ZNF77: variants seen among roughly 807,000 people sequenced by gnomAD.
The protein encoded by ZNF77 is zinc finger protein 77, also known as ZNFpT1.
A neutral mutation model predicts 13.5 loss-of-function variants in ZNF77; 15 were observed. That is an observed-to-expected ratio of 1.11 (90% CI 0.74 to 1.71). The LOEUF (loss-of-function observed/expected upper bound fraction) is 1.71. Ranked by LOEUF, ZNF77 falls within the 40% of genes most tolerant of loss-of-function variation. The pLI, the probability that ZNF77 is intolerant of heterozygous loss-of-function variation, is 0.00. For missense variants in ZNF77, 717 were observed against 676.4 expected (o/e 1.06, Z -0.67); for synonymous variants, 282 against 250.0 (o/e 1.13, Z -1.21).
rs769651289 is a variant in ZNF77 at position 2,933,772 on chromosome 19, C to G, written c.1355G>C (p.Arg452Pro). Residue 452 changes from arginine to proline, a missense_variant, in exon 4 of 4, where the codon CGA becomes CCA. Arg to Pro is a moderately radical substitution (Grantham distance 103, BLOSUM62 -2). Coordinates refer to ENST00000314531, the MANE Select transcript of ZNF77 (RefSeq NM_021217.3). Reference sequence around the variant, plus strand: ...TCCGCTGTGGGTTCGCACATGCTCTCGAAGGGAGGAGTGACAGCTGAAGGC... The same window carrying G: ...TCCGCTGTGGGTTCGCACATGCTCTGGAAGGGAGGAGTGACAGCTGAAGGC... ...GKAFSCHSSLREHVRTHSGEK... is the reference protein window; with the variant it reads ...GKAFSCHSSLPEHVRTHSGEK... 5.6e-6 allele frequency: 9 copies of G among 1,612,968 alleles called. No homozygotes were observed. In the Admixed American group the frequency reaches 1.2e-4, roughly 21 times the overall value.
At chr19:2,936,063 AAG>A (rs1390377749) in intron 3 of ZNF77, among the ~76,000 whole-genome samples, 1 of 145,296 alleles carries the variant, frequency 6.9e-6, no homozygotes, top group African/African-American at 2.5e-5. Context: ...AAATAAATAA[AAG>A]TAATTATTAA....
intron 3 of ZNF77, 26 bp downstream of exon 3, chr19:2,936,498 C>T: frequency 6.4e-7 from 1 of 1,563,480 alleles, no homozygotes; most frequent in East Asian, 2.3e-5. Context: ...CGGAGAGGCC[C>T]ATCCCTCCGG....
rs2088412244 is a variant in ZNF77 at position 2,937,944 on chromosome 19, A to G, written c.131-1240T>C. 2.6e-5 allele frequency among the ~76,000 whole-genome samples: 4 copies of G among 152,054 alleles called. No homozygotes were observed. The South Asian group carries it at 8.3e-4, about 31-fold the overall frequency. On this transcript the variant is annotated intron_variant, in intron 2 of 3. Transcript: ENST00000314531. ...ACTACTTTTTATATTTTTAGTACAC[A>G]TGGGGTTTCACCACGTTGGCCAGGC...
rs764036758 is a variant in ZNF77 at position 2,933,650 on chromosome 19, C to T, written c.1477G>A (p.Glu493Lys). 25 of 1,612,770 alleles carry T rather than the reference C, an allele frequency of 1.6e-5. No individual in the cohort carries two copies. Among genetic ancestry groups the T allele is most frequent in the African/African-American group, 2.7e-5 (2 of 74,672 alleles). ...TAGGCTTTCCCACATTCAGTACATT[C>T]GTAGGGTTTGACCCCACTGTGTGAT... ...VRSHSGVKPYECTECGKAYSC... is the reference protein window; with the variant it reads ...VRSHSGVKPYKCTECGKAYSC... The change falls in exon 4 of 4, where the codon GAA becomes AAA. Residue 493 changes from glutamate (E) to lysine (K), a missense_variant. By Grantham distance (56) the Glu-to-Lys change is moderately conservative. Transcript: ENST00000314531.
chr19:2,934,751 T>C lies in ZNF77; in HGVS notation c.376A>G (p.Thr126Ala), dbSNP rs1206052909. ...GHQCGETLSQ[T>A]ANLLVHKSYP... ...CTCTTGTGCACAAGAAGGTTCGCAGTCTGGCTCAAGGTCTCTCCGCATTGA... is the reference window on the plus strand; with the variant it reads ...CTCTTGTGCACAAGAAGGTTCGCAGCCTGGCTCAAGGTCTCTCCGCATTGA... Residue 126 changes from threonine (T) to alanine (A), a missense_variant, in exon 4 of 4, where the codon ACT becomes GCT. By Grantham distance (58) the Thr-to-Ala change is moderately conservative. Transcript: ENST00000314531. 6 of 1,614,172 alleles carry C rather than the reference T, an allele frequency of 3.7e-6. No individual in the cohort carries two copies. The South Asian group carries it at 4.4e-5, about 12-fold the overall frequency.
chr19:2,942,378 T>C (rs571081764), intron 1 of ZNF77, among the ~76,000 whole-genome samples: 31 of 147,732 alleles, frequency 2.1e-4, no homozygotes, highest in African/African-American at 7.5e-4. Context: ...CTCTTTTTTT[T>C]TTTTTTTTTT....
intron 1 of ZNF77, among the ~76,000 whole-genome samples, chr19:2,941,493 A>T (rs1279877094): frequency 6.6e-6 from 1 of 152,052 alleles, no homozygotes; most frequent in Non-Finnish European, 1.5e-5. Flanking sequence ...AATAAAAATA[A>T]GTAAGAACAC....
In ZNF77 at chr19:2,933,548, T is replaced by C. The variant is rs778814565; in HGVS notation, c.1579A>G (p.Lys527Glu). 16 of 1,609,126 alleles carry C rather than the reference T, an allele frequency of 9.9e-6. No individual in the cohort carries two copies. In the East Asian group the frequency reaches 3.6e-4, roughly 36 times the overall value. Residue 527 changes from lysine to glutamate, a missense_variant, in exon 4 of 4, where the codon AAA becomes GAA. By Grantham distance (56) the Lys-to-Glu change is moderately conservative (BLOSUM62 1). Transcript: ENST00000314531. ...AGCGATGCGAGATACCTGAAGGTTT[T>C]CCCACACTGCTTGCATTCATACGGT... ...ERPYECKQCG[K>E]TFRYLASLQA...
chr19:2,939,661 A>T, intron 1 of ZNF77: 1 of 464,604 alleles, frequency 2.2e-6, no homozygotes, highest in East Asian at 4.4e-5. Flanking sequence ...GAGGGTGGGG[A>T]AACACTGAAA....
intron 2 of ZNF77, 74 bp from the exon 3 acceptor site, chr19:2,936,778 T>C (rs1224969150): frequency 2.1e-6 from 3 of 1,406,222 alleles, no homozygotes; most frequent in African/African-American, 2.9e-5. Flanking sequence ...TACGGATTTC[T>C]TTTCATATAG....
intron 2 of ZNF77, among the ~76,000 whole-genome samples, chr19:2,937,657 G>A (rs1441125545): frequency 2.0e-5 from 3 of 152,190 alleles, no homozygotes; most frequent in African/African-American, 4.8e-5. Flanking sequence ...TTTCCCCTGC[G>A]AAGGAGGACA....
At chr19:2,942,639 C>T (rs2088460424) in intron 1 of ZNF77, among the ~76,000 whole-genome samples, 1 of 152,086 alleles carries the variant, frequency 6.6e-6, no homozygotes, top group Non-Finnish European at 1.5e-5. Context: ...CTGACTTCAG[C>T]TCTGTGCTCC....
At position 2,933,433 on chromosome 19, in the gene ZNF77, A is replaced by G. The variant is rs2088360682; in HGVS notation, c.*56T>C. The G allele has an allele frequency of 2.0e-6, 3 of 1,499,126 alleles. No individual in the cohort carries two copies. The highest frequency in any genetic ancestry group is 1.8e-6 in the Non-Finnish European group (2 of 1,125,678). 92.9% of individuals were successfully genotyped at this position (1,499,126 alleles called of 1,614,324 possible). ...GCTCTACATAAATAACGTTTCTCAC[A>G]TTTACAACAAGGTTTTACGGTTGAA... is the stretch of plus-strand genomic sequence containing the variant. On this transcript the variant is annotated 3_prime_UTR_variant, in exon 4 of 4. Coordinates refer to ENST00000314531, the MANE Select transcript of ZNF77 (RefSeq NM_021217.3).
Position 2,934,577 on chromosome 19 carries a change from G to C in ZNF77, c.550C>G (p.Gln184Glu). The C allele has an allele frequency of 6.2e-7, 1 of 1,614,170 alleles. No individual in the cohort carries two copies. Among genetic ancestry groups the C allele is most frequent in the Non-Finnish European group, 8.5e-7 (1 of 1,180,026 alleles). The change falls in exon 4 of 4, where the codon CAG becomes GAG. Residue 184 changes from glutamine (Q) to glutamate (E), a missense_variant. By Grantham distance (29) the Gln-to-Glu change is conservative. Transcript: ENST00000314531. ...CAATTACAGGGTTTCTCTACAGTCT[G>C]CGTTTTCATAGGAGGGCTTTGGCAG... ...LSCQSPPMKT[Q>E]TVEKPCNCQD...
At chr19:2,943,315 A>G (rs1403557770) in intron 1 of ZNF77, among the ~76,000 whole-genome samples, 1 of 142,242 alleles carries the variant, frequency 7.0e-6, no homozygotes, top group Non-Finnish European at 1.5e-5. Flanking sequence ...CCCCTCCCCC[A>G]ATACCTCGCA....
chr19:2,938,964 A>G lies in ZNF77; in HGVS notation c.130+317T>C, dbSNP rs1381791189. ...GAGCAAGACTCCGTCTCAAAAAAAT[A>G]AAAAAAAAAAAAAAGAAAACCAAGG... On this transcript the variant is annotated intron_variant, in intron 2 of 3. Coordinates refer to ENST00000314531, the MANE Select transcript of ZNF77 (RefSeq NM_021217.3). 6.7e-3 allele frequency among the ~76,000 whole-genome samples: 476 copies of G among 71,402 alleles called. 6 individuals are homozygous for G. The highest frequency in any genetic ancestry group is 0.018 in the African/African-American group (454 of 25,088). The allele number at this position is 71,402 out of a possible 152,430, so 46.8% of individuals were successfully genotyped here.
chr19:2,936,172 AGCTTT>A (rs1568192451), intron 3 of ZNF77, among the ~76,000 whole-genome samples: 1 of 151,464 alleles, frequency 6.6e-6, no homozygotes, highest in Non-Finnish European at 1.5e-5. Flanking sequence ...TTTGAGATGG[AGCTTT>A]GCTCTTGTTG....
At chr19:2,938,253 G>A (rs2088415054) in intron 2 of ZNF77, among the ~76,000 whole-genome samples, 1 of 152,198 alleles carries the variant, frequency 6.6e-6, no homozygotes, top group South Asian at 2.1e-4. Flanking sequence ...GGATTGTGAA[G>A]GGCAACAAAT....
chr19:2,934,659 T>C lies in ZNF77; in HGVS notation c.468A>G (p.Arg156=). The change falls in exon 4 of 4, where the codon AGA becomes AGG. Residue 156 remains arginine (R), a synonymous_variant. Coordinates refer to ENST00000314531, the MANE Select transcript of ZNF77 (RefSeq NM_021217.3). ...TACACGGTCTCTGTCCAGTGTGAGATCTCTGCCGATTCTCGAAGGCTTTGC... is the reference window on the plus strand; with the variant it reads ...TACACGGTCTCTGTCCAGTGTGAGACCTCTGCCGATTCTCGAAGGCTTTGC... The part of the protein sequence containing the change: ...KCGKAFENRQ[R]SHTGQRPCKE... The C allele has an allele frequency of 6.2e-7, 1 of 1,614,084 alleles. No individual in the cohort carries two copies. Among genetic ancestry groups the C allele is most frequent in the Non-Finnish European group, 8.5e-7 (1 of 1,180,022 alleles).
Sources: allele counts gnomAD v4.1 joint callset (sites outside exome capture counted in the v4.1 genomes callset), GRCh38; gene constraint gnomAD v4.1.1; transcripts MANE v1.5; gene names NCBI Gene and HGNC (gene_info 2026-07-23, HGNC 2026-07-21).